The following TMCC1 variants were observed in gnomAD, a reference collection of about 807,000 sequenced individuals.
TMCC1 encodes the protein transmembrane and coiled-coil domain family 1, also known as transmembrane and coiled-coil domains protein 1.
Under a neutral mutation model 52.4 loss-of-function variants are expected in TMCC1, and 15 were observed. The observed-to-expected ratio is 0.29, with a 90% CI of 0.19 to 0.44. TMCC1 has a LOEUF of 0.44. Among genes scored for constraint, TMCC1 ranks in the 20% least tolerant of loss-of-function variants. The pLI is 1.00. For synonymous variants in TMCC1, 279 were observed against 301.9 expected, an observed-to-expected ratio of 0.92 and a Z score of 0.79; for missense variants, 503 against 806.0, an observed-to-expected ratio of 0.62 and a Z score of 4.55.
At chr3:129,878,985 C>T (rs958431232) in intron 2 of TMCC1, among the ~76,000 whole-genome samples, 3 of 152,152 alleles carry the variant, frequency 2.0e-5, no homozygotes, top group African/African-American at 4.8e-5. Flanking sequence ...GTATGGCTCA[C>T]TCCTTCACTT....
At chr3:129,682,892 A>G (rs2089116837) in intron 4 of TMCC1, among the ~76,000 whole-genome samples, 1 of 151,796 alleles carries the variant, frequency 6.6e-6, no homozygotes, top group Admixed American at 6.5e-5. Flanking sequence ...CTGGAGTGCA[A>G]TGGCGCGATC....
intron 4 of TMCC1, among the ~76,000 whole-genome samples, chr3:129,800,574 GAACTTT>G (rs2057124218): frequency 6.6e-6 from 1 of 151,870 alleles, no homozygotes; most frequent in South Asian, 2.1e-4. Context: ...AAGTTACTTA[GAACTTT>G]AATTTTTAAT....
intron 6 of TMCC1, among the ~76,000 whole-genome samples, chr3:129,652,841 T>C (rs2086427124): frequency 6.6e-6 from 1 of 152,230 alleles, no homozygotes; most frequent in Non-Finnish European, 1.5e-5. Flanking sequence ...ATGTATACTT[T>C]CCATGTGTTG....
At chr3:129,848,491 C>A (rs2059767638) in intron 2 of TMCC1, 1 of 152,132 alleles carries the variant, frequency 6.6e-6, no homozygotes, top group Non-Finnish European at 1.5e-5. Flanking sequence ...TATAATAAGT[C>A]CCCTAGCTTA....
At chr3:129,873,032 C>T (rs1054317860) in intron 2 of TMCC1, among the ~76,000 whole-genome samples, 2 of 151,700 alleles carry the variant, frequency 1.3e-5, no homozygotes, top group African/African-American at 4.8e-5. Flanking sequence ...TCCCGAGCAG[C>T]TGGGATTACA....
rs534279020 is a variant in TMCC1 at position 129,842,759 on chromosome 3, A to G, written c.-183-9933T>C. On this transcript the variant is annotated intron_variant, in intron 2 of 6. Transcript: ENST00000393238. Reference sequence around the variant, plus strand: ...CAAAATATATTAGGAAAGTGCCTCCAAATATGTGGATATTAAACAATACAC... The same window carrying G: ...CAAAATATATTAGGAAAGTGCCTCCGAATATGTGGATATTAAACAATACAC... Among the ~76,000 whole-genome samples the G allele has an allele frequency of 5.9e-5, 9 of 152,370 alleles. No individual in the cohort carries two copies. In the East Asian group the frequency reaches 1.7e-3, roughly 29 times the overall value.
At chr3:129,698,292 C>T (rs894023368) in intron 4 of TMCC1, among the ~76,000 whole-genome samples, 5 of 152,156 alleles carry the variant, frequency 3.3e-5, no homozygotes, top group African/African-American at 4.8e-5. Context: ...TACAGGGGAA[C>T]TGCTCTTTAT....
intron 2 of TMCC1, among the ~76,000 whole-genome samples, chr3:129,844,201 C>T (rs746884753): frequency 2.0e-5 from 3 of 152,072 alleles, no homozygotes; most frequent in African/African-American, 4.8e-5. Flanking sequence ...CCAACAAAGA[C>T]AGATGGGAAC....
chr3:129,797,554 C>T (rs1432244173), intron 4 of TMCC1, among the ~76,000 whole-genome samples: 1 of 151,974 alleles, frequency 6.6e-6, no homozygotes, highest in Admixed American at 6.6e-5. Context: ...GTAGCCTGGG[C>T]AACACGGTGA....
intron 4 of TMCC1, among the ~76,000 whole-genome samples, chr3:129,742,621 C>T (rs533745687): frequency 1.2e-4 from 19 of 152,226 alleles, no homozygotes; most frequent in African/African-American, 4.1e-4. Context: ...AAAGGTATGG[C>T]ATGTTTGGAA....
At chr3:129,661,194 T>C (rs758916628) in intron 5 of TMCC1, among the ~76,000 whole-genome samples, 7 of 152,198 alleles carry the variant, frequency 4.6e-5, no homozygotes, top group Non-Finnish European at 8.8e-5. Context: ...GTAAGTAGAA[T>C]GATCTCAGCA....
At chr3:129,843,570 T>TTTA (rs1460171560) in intron 2 of TMCC1, among the ~76,000 whole-genome samples, 1 of 151,892 alleles carries the variant, frequency 6.6e-6, no homozygotes, top group African/African-American at 2.4e-5. Context: ...CAATAGATGT[T>TTTA]AAAAAAGAAT....
intron 4 of TMCC1, among the ~76,000 whole-genome samples, chr3:129,801,025 G>A (rs147436932): frequency 0.032 from 4,664 of 145,048 alleles, 215 homozygotes; most frequent in African/African-American, 0.11. Flanking sequence ...CCAGGTTCAC[G>A]CCATTCTCCT....
intron 2 of TMCC1, among the ~76,000 whole-genome samples, chr3:129,857,763 C>A (rs576383426): frequency 6.6e-6 from 1 of 152,030 alleles, no homozygotes; most frequent in African/African-American, 2.4e-5. Flanking sequence ...CAGGGTTTCA[C>A]CTTGTTAGCC....
At chr3:129,665,188 C>T (rs1402069488) in intron 5 of TMCC1, among the ~76,000 whole-genome samples, 2 of 152,196 alleles carry the variant, frequency 1.3e-5, no homozygotes, top group Admixed American at 1.3e-4. Context: ...AGGTGGAGTT[C>T]AGATCCAAGC....
At chr3:129,875,196 A>C (rs1429111349) in intron 2 of TMCC1, among the ~76,000 whole-genome samples, 2 of 151,914 alleles carry the variant, frequency 1.3e-5, no homozygotes, top group African/African-American at 4.8e-5. Flanking sequence ...CTATTTAAAA[A>C]AAAAAAAAAT....
chr3:129,749,170 T>C (rs1337489554), intron 4 of TMCC1, among the ~76,000 whole-genome samples: 1 of 146,542 alleles, frequency 6.8e-6, no homozygotes, highest in Non-Finnish European at 1.5e-5. Context: ...TTAAAATATA[T>C]TAGTAAGGAA....
At chr3:129,763,542 C>CAAAAAAAAAAAA (rs11354197) in intron 4 of TMCC1, among the ~76,000 whole-genome samples, 5 of 44,652 alleles carry the variant, frequency 1.1e-4, no homozygotes, top group African/African-American at 2.5e-4. Context: ...GACCCTGTCT[C>CAAAAAAAAAAAA]AAAAAAAAAA....
At chr3:129,679,581 G>A (rs1218407203) in intron 4 of TMCC1, among the ~76,000 whole-genome samples, 1 of 152,184 alleles carries the variant, frequency 6.6e-6, no homozygotes, top group Non-Finnish European at 1.5e-5. Context: ...TGGGATTACA[G>A]GTATGAGCCA....
Sources: gnomAD v4.1 joint callset for allele counts (sites outside exome capture counted in the v4.1 genomes callset) on GRCh38, gnomAD v4.1.1 for gene constraint, MANE v1.5 for transcripts, NCBI Gene and HGNC (gene_info 2026-07-23, HGNC 2026-07-21) for gene names.